The following ADGRG1 variants were observed in gnomAD, a reference collection of about 807,000 sequenced individuals.
ADGRG1 encodes the protein 7-transmembrane protein with no EGF-like N-terminal domains-1.
Under a neutral mutation model 73.5 loss-of-function variants are expected in ADGRG1, and 53 were observed. That is an observed-to-expected ratio of 0.72 (90% CI 0.58 to 0.91). ADGRG1 has a LOEUF of 0.91. Among genes scored for constraint, ADGRG1 ranks in the 40% least tolerant of loss-of-function variants. The pLI is 0.00. For synonymous variants in ADGRG1, 394 were observed against 374.4 expected (o/e 1.05, Z -0.60); for missense variants, 795 against 871.8 (o/e 0.91, Z 1.11).
rs2048024813 is a variant in ADGRG1 at position 57,665,412 on chromosome 16, C to T, written c.*1830C>T. 1 of 152,246 alleles carries T rather than the reference C, an allele frequency of 6.6e-6. No homozygotes were observed. The highest frequency in any genetic ancestry group is 1.5e-5 in the Non-Finnish European group (1 of 68,058). 9.4% of individuals were successfully genotyped at this position (152,246 alleles called of 1,614,324 possible). ...ATGGGAAATCCAGACTGTGGTTTGA[C>T]ATCCCCTGATTTTAAAATTTTGGCG... is the stretch of plus-strand genomic sequence containing the variant. On this transcript the variant is annotated 3_prime_UTR_variant, in exon 14 of 14. Transcript: ENST00000562631.
Position 57,664,926 on chromosome 16 carries a change from T to C in ADGRG1, c.*1344T>C, listed in dbSNP as rs1227981051. On this transcript the variant is annotated 3_prime_UTR_variant, in exon 14 of 14. Transcript: ENST00000562631. Reference sequence around the variant, plus strand: ...TTTTTACGTACCAATTCTTTTGTCTTTTGATATTAAAAAGAAGTACATGTT... The same window carrying C: ...TTTTTACGTACCAATTCTTTTGTCTCTTGATATTAAAAAGAAGTACATGTT... 6.5e-6 allele frequency: 1 copy of C among 153,586 alleles called. No individual in the cohort carries two copies. Among genetic ancestry groups the C allele is most frequent in the East Asian group, 1.9e-4 (1 of 5,186 alleles). 9.5% of individuals were successfully genotyped at this position (153,586 alleles called of 1,614,324 possible). A position where few individuals can be genotyped will look rare whatever the true frequency, so the allele number is the denominator to read the frequency against.
At chr16:57,656,644 G>T (rs1367571722) in intron 9 of ADGRG1, 27 bp downstream of exon 9, 1 of 1,346,742 alleles carries the variant, frequency 7.4e-7, no homozygotes, top group Non-Finnish European at 1.1e-6. Context: ...CCACCTCGCA[G>T]CCACACCCCA....
At chr16:57,646,942 G>A in intron 1 of ADGRG1, 2 of 985,352 alleles carry the variant, frequency 2.0e-6, no homozygotes, top group Non-Finnish European at 2.4e-6. Flanking sequence ...GTGGGGCCGT[G>A]GTTGGTACTG....
In ADGRG1 at chr16:57,628,795, G is replaced by A. The variant is rs1399046449; in HGVS notation, c.-43G>A. On this transcript the variant is annotated 5_prime_UTR_variant, in exon 1 of 14. Coordinates refer to ENST00000562631, the MANE Select transcript of ADGRG1 (RefSeq NM_201525.4). Reference sequence around the variant, plus strand: ...TGGCCCTGCGTGGGACCCTCCACCTGGCAGCAGGTACCCAAACAAGGGCTG... The same window carrying A: ...TGGCCCTGCGTGGGACCCTCCACCTAGCAGCAGGTACCCAAACAAGGGCTG... 4 of 985,432 alleles carry A rather than the reference G, an allele frequency of 4.1e-6. No individual in the cohort carries two copies. Among genetic ancestry groups the A allele is most frequent in the Non-Finnish European group, 4.8e-6 (4 of 830,052 alleles). 61.0% of individuals were successfully genotyped at this position (985,432 alleles called of 1,614,324 possible).
upstream of ADGRG1, chr16:57,626,938 G>C (rs2052935199): frequency 1.0e-6 from 1 of 985,302 alleles, no homozygotes; most frequent in Admixed American, 6.1e-5. Context: ...CTGCTGCTTT[G>C]GCAATAAGGG....
intron 1 of ADGRG1, chr16:57,635,197 GC>G (rs113405447): frequency 2.0e-6 from 2 of 985,190 alleles, no homozygotes; most frequent in African/African-American, 1.7e-5. Flanking sequence ...CACTTCCCCT[GC>G]CCCCCACCTG....
intron 11 of ADGRG1, 63 bp from the exon 12 acceptor site, chr16:57,660,705 C>A: frequency 6.8e-7 from 1 of 1,463,270 alleles, no homozygotes; most frequent in Non-Finnish European, 9.4e-7. Context: ...CTCCCTGAGG[C>A]CAGCAGGGAA....
intron 8 of ADGRG1, 86 bp downstream of exon 8, chr16:57,656,357 G>A (rs917756419): frequency 1.9e-5 from 31 of 1,611,334 alleles, no homozygotes; most frequent in African/African-American, 2.7e-5. Context: ...GTTAATCACC[G>A]AGGGCTTCCT....
intron 1 of ADGRG1, chr16:57,641,444 C>G (rs2040803351): frequency 5.1e-6 from 5 of 982,090 alleles, no homozygotes; most frequent in Non-Finnish European, 4.8e-6. Flanking sequence ...GCACCAGAGT[C>G]TTCGGACTGC....
chr16:57,633,267 C>T, intron 1 of ADGRG1: 1 of 964,954 alleles, frequency 1.0e-6, no homozygotes, highest in Non-Finnish European at 1.2e-6. Flanking sequence ...CCCTAAACCT[C>T]AGCTGGAGGT....
rs2036604838 is a variant in ADGRG1, at chr16:57,628,901, AGTGTGAGT to A, written c.-36+107_-36+114del. 5 of 876,058 alleles carry A rather than the reference AGTGTGAGT, an allele frequency of 5.7e-6. 1 individual carries two copies. The highest frequency in any genetic ancestry group is 5.8e-5 in the African/African-American group (2 of 34,568). The allele number at this position is 876,058 out of a possible 1,614,324, so 54.3% of individuals were successfully genotyped here. A position where few individuals can be genotyped will look rare whatever the true frequency, so the allele number is the denominator to read the frequency against. On this transcript the variant is annotated intron_variant, in intron 1 of 13. Transcript: ENST00000562631. ...GAGTGTGTGAGAGTGTGAGTGTGTG[AGTGTGAGT>A]GTGTGAGAGTGAGTGTGAGTGTGAG...
chr16:57,657,532 A>G (rs762654096), intron 10 of ADGRG1, 41 bp downstream of exon 10: 18 of 1,407,104 alleles, frequency 1.3e-5, no homozygotes, highest in Non-Finnish European at 1.5e-5. Context: ...GGGACCCTCC[A>G]TTGCACACAC....
At chr16:57,625,990 G>T (rs1386629762), upstream of ADGRG1, among the ~76,000 whole-genome samples, 1 of 152,232 alleles carries the variant, frequency 6.6e-6, no homozygotes, top group Non-Finnish European at 1.5e-5. Context: ...GCTTAGTTCA[G>T]ATCCTGGCTG....
At chr16:57,630,034 C>T (rs1229886545) in intron 1 of ADGRG1, 48 of 983,044 alleles carry the variant, frequency 4.9e-5, no homozygotes, top group Admixed American at 6.1e-5. Flanking sequence ...GTTGCTCCTT[C>T]AGTGGACCAA....
intron 5 of ADGRG1, among the ~76,000 whole-genome samples, chr16:57,654,696 A>G (rs1348794707): frequency 1.3e-5 from 2 of 152,038 alleles, no homozygotes; most frequent in African/African-American, 4.8e-5. Flanking sequence ...CCTGGCCAAC[A>G]TGGTGAAACC....
At chr16:57,637,469 C>T in intron 1 of ADGRG1, 2 of 985,372 alleles carry the variant, frequency 2.0e-6, no homozygotes, top group Non-Finnish European at 1.2e-6. Flanking sequence ...TGTACCTCCC[C>T]CCAGGTCCCC....
chr16:57,626,855 A>T, upstream of ADGRG1: 1 of 976,154 alleles, frequency 1.0e-6, no homozygotes, highest in Non-Finnish European at 1.2e-6. Flanking sequence ...GTGGTATGTC[A>T]GGGACAACCC....
chr16:57,626,696 C>G (rs560937864), upstream of ADGRG1: 54 of 985,306 alleles, frequency 5.5e-5, no homozygotes, highest in African/African-American at 8.7e-4. Context: ...CCCTTCTGGT[C>G]AGCACGCTCT....
chr16:57,656,010 A>G lies in ADGRG1; in HGVS notation c.1017+18A>G, dbSNP rs1219299201. 1.2e-6 allele frequency: 2 copies of G among 1,614,032 alleles called. No homozygotes were observed. Among genetic ancestry groups the G allele is most frequent in the Non-Finnish European group, 1.7e-6 (2 of 1,180,048 alleles). On this transcript the variant is annotated intron_variant, in intron 7 of 13. Transcript: ENST00000562631. The stretch of plus-strand genomic sequence containing the variant: ...TACAGCCGGTGAGTGGGGGCCAGCC[A>G]TCAAGAGAACAAGCGCCCCTCGGCC...
Sources: allele counts gnomAD v4.1 joint callset (sites outside exome capture counted in the v4.1 genomes callset), GRCh38; gene constraint gnomAD v4.1.1; transcripts MANE v1.5; gene names NCBI Gene and HGNC (gene_info 2026-07-23, HGNC 2026-07-21).